The following TGM4 variants were observed in gnomAD, a reference collection of about 807,000 sequenced individuals.
TGM4 encodes protein-glutamine gamma-glutamyltransferase 4.
A neutral mutation model predicts 76.3 loss-of-function variants in TGM4; 61 were observed. The ratio of observed to expected loss-of-function variants is 0.80; its 90% CI spans 0.65 to 0.99. The LOEUF (loss-of-function observed/expected upper bound fraction) is 0.99. Among genes scored for constraint, TGM4 ranks in the 50% least tolerant of loss-of-function variants. The pLI, the probability that TGM4 is intolerant of heterozygous loss-of-function variation, is 0.00. For missense variants in TGM4, 794 were observed against 843.2 expected (o/e 0.94, Z 0.72); for synonymous variants, 337 against 329.8 (o/e 1.02, Z -0.24).
chr3:44,901,631 G>A lies in TGM4; in HGVS notation c.765G>A (p.Gln255=). 1 of 1,614,232 alleles carries A rather than the reference G, an allele frequency of 6.2e-7. No individual in the cohort carries two copies. The highest frequency in any genetic ancestry group is 1.1e-5 in the South Asian group (1 of 91,084). ...CAGGCAGTGCCCCGATCCTGCAGCA[G>A]TACTACAACACGAAGCAGGCTGTGT... The part of the protein sequence containing the change: ...KWTGSAPILQ[Q]YYNTKQAVCF... The change falls in exon 7 of 14, where the codon CAG becomes CAA. Residue 255 remains glutamine (Q), a synonymous_variant. Coordinates refer to ENST00000296125, the MANE Select transcript of TGM4 (RefSeq NM_003241.4).
intron 10 of TGM4, 66 bp downstream of exon 10, chr3:44,907,266 G>A (rs1416633181): frequency 4.1e-6 from 6 of 1,474,908 alleles, no homozygotes; most frequent in Non-Finnish European, 5.5e-6. Flanking sequence ...AAATAGTCAA[G>A]ATTGGGGGTG....
At chr3:44,881,463 G>A (rs1420225811) in intron 1 of TGM4, among the ~76,000 whole-genome samples, 1 of 152,204 alleles carries the variant, frequency 6.6e-6, no homozygotes, top group Non-Finnish European at 1.5e-5. Context: ...AGACTCCAAG[G>A]TCGAGGAGCT....
In TGM4 at chr3:44,913,668, A is replaced by C; in HGVS notation, c.1998A>C (p.Leu666Phe). 1.9e-6 allele frequency: 3 copies of C among 1,614,228 alleles called. No homozygotes were observed. Among genetic ancestry groups the C allele is most frequent in the Middle Eastern group, 3.3e-4 (2 of 6,062 alleles). ...GACCCAAGAAATTTATCGTCAAGTTAAGTTCCAAACAAGTGAAAGAGATTA... is the reference window on the plus strand; with the variant it reads ...GACCCAAGAAATTTATCGTCAAGTTCAGTTCCAAACAAGTGAAAGAGATTA... Reference protein sequence around the residue: ...KTGPKKFIVKLSSKQVKEINA... With the variant: ...KTGPKKFIVKFSSKQVKEINA... The change falls in exon 14 of 14, where the codon TTA becomes TTC. Residue 666 changes from leucine to phenylalanine, a missense_variant. Leu to Phe is a conservative substitution (Grantham distance 22, BLOSUM62 0). Coordinates refer to ENST00000296125, the MANE Select transcript of TGM4 (RefSeq NM_003241.4).
At chr3:44,883,127 AGCTGTGATT>A (rs1699555498) in intron 1 of TGM4, among the ~76,000 whole-genome samples, 1 of 152,206 alleles carries the variant, frequency 6.6e-6, no homozygotes, top group South Asian at 2.1e-4. Context: ...GCCCTTTTCC[AGCTGTGATT>A]GCTTTGCGAT....
chr3:44,882,542 C>T (rs1304527580), intron 1 of TGM4, among the ~76,000 whole-genome samples: 3 of 152,218 alleles, frequency 2.0e-5, no homozygotes, highest in African/African-American at 7.2e-5. Context: ...CTTCCCTTGT[C>T]TTTCTTGGTT....
At chr3:44,894,347 A>C (rs955365130) in intron 5 of TGM4, among the ~76,000 whole-genome samples, 1 of 828 alleles carries the variant, frequency 1.2e-3, no homozygotes. Context: ...CATACCCCCC[A>C]CCCCGCCACG....
intron 1 of TGM4, among the ~76,000 whole-genome samples, chr3:44,875,329 C>T (rs929843358): frequency 1.3e-5 from 2 of 152,330 alleles, no homozygotes; most frequent in South Asian, 2.1e-4. Flanking sequence ...TTTGTGACTT[C>T]AACACTTTTG....
intron 1 of TGM4, 137 bp from the exon 2 acceptor site, chr3:44,885,188 T>G: frequency 1.2e-6 from 1 of 809,466 alleles, no homozygotes; most frequent in Non-Finnish European, 1.9e-6. Context: ...CATAACCAGC[T>G]GGAGGTGGAG....
chr3:44,887,174 G>A, intron 2 of TGM4, among the ~76,000 whole-genome samples: 1 of 152,236 alleles, frequency 6.6e-6, no homozygotes, highest in South Asian at 2.1e-4. Flanking sequence ...CCACCTGTGG[G>A]CTATGGAAAG....
At chr3:44,890,867 C>G in intron 4 of TGM4, 135 bp downstream of exon 4, 1 of 1,119,172 alleles carries the variant, frequency 8.9e-7, no homozygotes, top group Non-Finnish European at 1.3e-6. Context: ...GACCCAGGAA[C>G]AGATCACAGA....
rs377390397 is a variant in TGM4 at position 44,911,029 on chromosome 3, G to A, written c.1678G>A (p.Val560Ile). Residue 560 changes from valine (V) to isoleucine (I), a missense_variant, in exon 12 of 14, where the codon GTT (valine) becomes ATT (isoleucine). Physicochemically the swap from Val to Ile is conservative, Grantham distance 29. Transcript: ENST00000296125. Reference sequence around the variant, plus strand: ...CCTGGCTATATTAGATGATGAGCCAGTTATCAGAGGTTTCATCATTGCGGA... The same window carrying A: ...CCTGGCTATATTAGATGATGAGCCAATTATCAGAGGTTTCATCATTGCGGA... The part of the protein sequence containing the change: ...NSLAILDDEP[V>I]IRGFIIAEIV... The A allele has an allele frequency of 6.2e-6, 10 of 1,614,062 alleles. No individual in the cohort carries two copies. The highest frequency in any genetic ancestry group is 7.6e-6 in the Non-Finnish European group (9 of 1,180,028).
intron 1 of TGM4, among the ~76,000 whole-genome samples, chr3:44,883,427 G>T (rs544034848): frequency 6.6e-6 from 1 of 152,206 alleles, no homozygotes. Flanking sequence ...GCAGCAAGAG[G>T]CCCTCACCAG....
intron 4 of TGM4, among the ~76,000 whole-genome samples, chr3:44,893,375 T>TC (rs1699729636): frequency 6.6e-6 from 1 of 152,186 alleles, no homozygotes; most frequent in African/African-American, 2.4e-5. Context: ...CTCCAGATTT[T>TC]CCCAGGGGAA....
chr3:44,910,902 T>G (rs1699994695), intron 11 of TGM4, 56 bp from the exon 12 acceptor site: 1 of 1,575,802 alleles, frequency 6.3e-7, no homozygotes, highest in Admixed American at 1.7e-5. Context: ...TGAGGAGAAC[T>G]CATACTGGGG....
At position 44,896,762 on chromosome 3, in the gene TGM4, C is replaced by T; in HGVS notation, c.603C>T (p.Leu201=). The T allele has an allele frequency of 1.2e-6, 2 of 1,614,190 alleles. No homozygotes were observed. The highest frequency in any genetic ancestry group is 1.7e-6 in the Non-Finnish European group (2 of 1,180,034). ...TTTCCCTGCTGACTGAGAGCTCCCT[C>T]AAGCCCACAGATAGGAGGGACCCCG... ...CCISLLTESS[L]KPTDRRDPVL... The change falls in exon 6 of 14, where the codon CTC becomes CTT. Residue 201 remains leucine, a synonymous_variant. Coordinates refer to ENST00000296125, the MANE Select transcript of TGM4 (RefSeq NM_003241.4).
chr3:44,887,679 G>T lies in TGM4; in HGVS notation c.194-10G>T. On this transcript the variant is annotated splice_polypyrimidine_tract_variant and intron_variant, in intron 2 of 13. Coordinates refer to ENST00000296125, the MANE Select transcript of TGM4 (RefSeq NM_003241.4). ...TGGCTGGGCCAATGTTTTCCTTTGG[G>T]TGTCTCCAGGGCCGAATCCTAGCAT... The T allele has an allele frequency of 6.2e-7, 1 of 1,613,046 alleles. No individual in the cohort carries two copies. Among genetic ancestry groups the T allele is most frequent in the South Asian group, 1.1e-5 (1 of 90,984 alleles).
At chr3:44,877,489 A>G (rs984839134) in intron 1 of TGM4, among the ~76,000 whole-genome samples, 1 of 152,038 alleles carries the variant, frequency 6.6e-6, no homozygotes. Context: ...ATGGTGGTGC[A>G]TATCGGTAGT....
At chr3:44,884,605 G>A (rs751142949) in intron 1 of TGM4, among the ~76,000 whole-genome samples, 6 of 152,116 alleles carry the variant, frequency 3.9e-5, no homozygotes, top group Non-Finnish European at 5.9e-5. Context: ...AAAGTGCTGG[G>A]ATTAGAGGCG....
At chr3:44,897,530 C>T (rs1443104770) in intron 6 of TGM4, among the ~76,000 whole-genome samples, 2 of 152,204 alleles carry the variant, frequency 1.3e-5, no homozygotes, top group African/African-American at 4.8e-5. Context: ...TTCCAGGAAA[C>T]CCCTCAGTCT....
Sources: gnomAD v4.1 joint callset for allele counts (sites outside exome capture counted in the v4.1 genomes callset) on GRCh38, gnomAD v4.1.1 for gene constraint, MANE v1.5 for transcripts, NCBI Gene and HGNC (gene_info 2026-07-23, HGNC 2026-07-21) for gene names.